The following AP1G1 variants were observed in gnomAD, a reference collection of about 807,000 sequenced individuals.
The protein encoded by AP1G1 is adaptor related protein complex 1 subunit gamma 1.
In AP1G1, 7 loss-of-function variants were observed where a neutral mutation model predicts 108.3. The ratio of observed to expected loss-of-function variants is 0.06; its 90% CI spans 0.04 to 0.12. The LOEUF is 0.12. Ranked by LOEUF, AP1G1 falls within the 10% of genes least tolerant of loss-of-function variation. AP1G1 has a pLI of 1.00. For missense variants in AP1G1, 756 were observed against 1,010.7 expected, an observed-to-expected ratio of 0.75 and a Z score of 3.42; for synonymous variants, 379 against 353.5, an observed-to-expected ratio of 1.07 and a Z score of -0.81.
chr16:71,749,415 T>C (rs1167912534), intron 15 of AP1G1, among the ~76,000 whole-genome samples: 1 of 150,988 alleles, frequency 6.6e-6, no homozygotes, highest in African/African-American at 2.4e-5. Flanking sequence ...ACCCAGGAGA[T>C]CAAGGCTGCA....
Position 71,773,277 on chromosome 16 carries a change from G to C in AP1G1, c.412C>G (p.Leu138Val). ...AGGAGCTTCTCTACCTCTCCTGCAA[G>C]ATCTCTGCACATCTCTGAGGAGCCC... ...CMGSSEMCRD[L>V]AGEVEKLLKT... The change falls in exon 4 of 23, where the codon CTT becomes GTT. Residue 138 changes from leucine to valine, a missense_variant. Physicochemically the swap from Leu to Val is conservative, Grantham distance 32 (BLOSUM62 1). Transcript: ENST00000299980. 1.2e-6 allele frequency: 2 copies of C among 1,613,026 alleles called. No homozygotes were observed. The highest frequency in any genetic ancestry group is 1.7e-6 in the Non-Finnish European group (2 of 1,179,736).
chr16:71,766,371 AAG>A (rs2031313336), intron 6 of AP1G1: 1 of 441,882 alleles, frequency 2.3e-6, no homozygotes, highest in African/African-American at 2.0e-5. Flanking sequence ...TTTATCCATT[AAG>A]AGTCCTAACA....
chr16:71,779,271 A>G (rs2031911474), intron 2 of AP1G1, among the ~76,000 whole-genome samples: 1 of 150,034 alleles, frequency 6.7e-6, no homozygotes, highest in Non-Finnish European at 1.5e-5. Flanking sequence ...CCCCGCCAAT[A>G]TTCTGATGGA....
At chr16:71,777,700 T>C in intron 2 of AP1G1, 2 of 457,812 alleles carry the variant, frequency 4.4e-6, no homozygotes, top group Non-Finnish European at 9.1e-6. Context: ...CATCTCCTTC[T>C]TCCTCTTCGG....
At chr16:71,754,352 G>T (rs1022025904) in intron 12 of AP1G1, among the ~76,000 whole-genome samples, 1 of 151,454 alleles carries the variant, frequency 6.6e-6, no homozygotes, top group African/African-American at 2.4e-5. Context: ...AAGAAAGAAA[G>T]AAAGAAAGGA....
intron 1 of AP1G1, 163 bp downstream of exon 1, chr16:71,808,600 G>C (rs1456376641): frequency 7.8e-7 from 1 of 1,289,552 alleles, no homozygotes; most frequent in East Asian, 5.6e-5. Context: ...AGCAGCCCCT[G>C]GGGCTCCCGG....
At chr16:71,760,946 G>A (rs1375390577) in intron 10 of AP1G1, among the ~76,000 whole-genome samples, 4 of 152,102 alleles carry the variant, frequency 2.6e-5, no homozygotes, top group Non-Finnish European at 5.9e-5. Context: ...CAAAATAAAA[G>A]ATAATACTGA....
At chr16:71,748,923 T>C (rs923674000) in intron 15 of AP1G1, among the ~76,000 whole-genome samples, 1 of 152,022 alleles carries the variant, frequency 6.6e-6, no homozygotes, top group Non-Finnish European at 1.5e-5. Context: ...TTTTTTTGTT[T>C]TGAGACGGAG....
chr16:71,808,357 C>T (rs2033070996), intron 1 of AP1G1: 1 of 840,366 alleles, frequency 1.2e-6, no homozygotes, highest in Non-Finnish European at 1.6e-6. Flanking sequence ...TCTGACAGAC[C>T]TGACACGGGT....
At chr16:71,734,909 T>C (rs1451345271) in intron 21 of AP1G1, among the ~76,000 whole-genome samples, 1 of 152,212 alleles carries the variant, frequency 6.6e-6, no homozygotes, top group Non-Finnish European at 1.5e-5. Context: ...AAATCCACTG[T>C]TCGGTTCTTT....
chr16:71,750,268 T>C lies in AP1G1; in HGVS notation c.1349A>G (p.Glu450Gly). 1 of 1,614,030 alleles carries C rather than the reference T, an allele frequency of 6.2e-7. No homozygotes were observed. The highest frequency in any genetic ancestry group is 8.5e-7 in the Non-Finnish European group (1 of 1,179,946). ...NLIQLITNSV[E>G]MHAYTVQRLY... is the part of the protein sequence containing the mutation. Reference sequence around the variant, plus strand: ...GCGCTGGACAGTATAGGCATGCATCTCCACACTATTAGTTATTAACTGGAT... The same window carrying C: ...GCGCTGGACAGTATAGGCATGCATCCCCACACTATTAGTTATTAACTGGAT... Residue 450 changes from glutamate to glycine, a missense_variant, in exon 14 of 23, where the codon GAG (glutamate) becomes GGG (glycine). Transcript: ENST00000299980.
chr16:71,808,631 C>T (rs1397086556), intron 1 of AP1G1, 132 bp downstream of exon 1: 9 of 1,289,612 alleles, frequency 7.0e-6, no homozygotes, highest in Admixed American at 2.3e-5. Context: ...CCCAGCTTCT[C>T]TGTCTTCTCT....
intron 1 of AP1G1, among the ~76,000 whole-genome samples, chr16:71,795,403 C>G (rs911701799): frequency 6.6e-6 from 1 of 152,172 alleles, no homozygotes; most frequent in Non-Finnish European, 1.5e-5. Context: ...AGCAAATAAG[C>G]AAGACTTCAA....
chr16:71,748,523 A>G, intron 15 of AP1G1, 145 bp from the exon 16 acceptor site: 1 of 1,003,034 alleles, frequency 1.0e-6, no homozygotes, highest in Non-Finnish European at 1.4e-6. Context: ...TTGCCAGGGT[A>G]ACTGTCCAAG....
chr16:71,772,206 C>A (rs1261201675), intron 4 of AP1G1, among the ~76,000 whole-genome samples: 3 of 151,888 alleles, frequency 2.0e-5, no homozygotes, highest in Non-Finnish European at 4.4e-5. Context: ...TGTCGGCTCA[C>A]TGCAAGCTCC....
chr16:71,789,413 C>G lies in AP1G1; in HGVS notation c.67G>C (p.Glu23Gln). Residue 23 changes from glutamate (E) to glutamine (Q), a missense_variant, in exon 2 of 23, where the codon GAA becomes CAA. Physicochemically the swap from Glu to Gln is conservative, Grantham distance 29. Transcript: ENST00000299980. ...CATTCTTTCTGGATCATTTCTCGTT[C>G]TTCAGCTTGGGTTCGGGCTGTCCGG... is the stretch of plus-strand genomic sequence containing the variant. ...TIRTARTQAE[E>Q]REMIQKECAA... is the part of the protein sequence containing the mutation. 6.2e-7 allele frequency: 1 copy of G among 1,614,196 alleles called. No homozygotes were observed. The highest frequency in any genetic ancestry group is 8.5e-7 in the Non-Finnish European group (1 of 1,180,036).
At chr16:71,769,755 G>T in intron 5 of AP1G1, 56 bp from the exon 6 acceptor site, 1 of 1,441,934 alleles carries the variant, frequency 6.9e-7, no homozygotes, top group Non-Finnish European at 9.7e-7. Context: ...CAATTTTATA[G>T]AACAGGACTT....
chr16:71,802,842 A>T lies in AP1G1; in HGVS notation c.-4+5921T>A, dbSNP rs376097834. On this transcript the variant is annotated intron_variant, in intron 1 of 22. Coordinates refer to ENST00000299980, the MANE Select transcript of AP1G1 (RefSeq NM_001128.6). ...TTCCCAAAGTACTGGGATTACAGAC[A>T]TGAGCCACCAGGTCTGGCCAGCGAA... Among the ~76,000 whole-genome samples the T allele has an allele frequency of 7.9e-5, 12 of 152,276 alleles. No homozygotes were observed. In the South Asian group the frequency reaches 8.3e-4, roughly 11 times the overall value.
chr16:71,759,842 T>G (rs2145458730), intron 10 of AP1G1, among the ~76,000 whole-genome samples: 1 of 152,060 alleles, frequency 6.6e-6, no homozygotes, highest in African/African-American at 2.4e-5. Flanking sequence ...TTTAAAAGTT[T>G]TCCAAATAGT....
Sources: gnomAD v4.1 joint callset for allele counts (sites outside exome capture counted in the v4.1 genomes callset) on GRCh38, gnomAD v4.1.1 for gene constraint, MANE v1.5 for transcripts, NCBI Gene and HGNC (gene_info 2026-07-23, HGNC 2026-07-21) for gene names.